The following AGO1 variants were observed in gnomAD, a reference collection of about 807,000 sequenced individuals.
AGO1 encodes the protein protein argonaute-1.
AGO1 carries 11 observed loss-of-function variants against 109.2 expected under a neutral mutation model. The ratio of observed to expected loss-of-function variants is 0.10; its 90% CI spans 0.06 to 0.17. AGO1 has a LOEUF of 0.17. AGO1 is among the 10% of genes least tolerant of loss of function. The probability of loss-of-function intolerance (pLI) is 1.00; values close to 1 mark genes in which losing one functional copy is unlikely to be tolerated. For missense variants in AGO1, 574 were observed against 1,140.3 expected, an observed-to-expected ratio of 0.50 and a Z score of 7.15; for synonymous variants, 422 against 418.6, an observed-to-expected ratio of 1.01 and a Z score of -0.10.
At chr1:35,914,527 T>A (rs1645699978) in intron 14 of AGO1, among the ~76,000 whole-genome samples, 2 of 152,232 alleles carry the variant, frequency 1.3e-5, no homozygotes, top group Non-Finnish European at 2.9e-5. Context: ...TGCATTTGAA[T>A]GTCTTTCTTT....
Position 35,913,987 on chromosome 1 carries a change from A to C in AGO1, c.1728A>C (p.Leu576=). 1 of 1,614,080 alleles carries C rather than the reference A, an allele frequency of 6.2e-7. No homozygotes were observed. Among genetic ancestry groups the C allele is most frequent in the South Asian group, 1.1e-5 (1 of 91,080 alleles). ...NVKLGGINNI[L]VPHQRSAVFQ... is the part of the protein sequence containing the mutation. The stretch of plus-strand genomic sequence containing the variant: ...AACTTGGTGGCATTAACAACATCCT[A>C]GTCCCACACCAGCGGTATGAACTCT... Residue 576 remains leucine, a synonymous_variant, in exon 13 of 19, where the codon CTA becomes CTC. Transcript: ENST00000373204.
intron 8 of AGO1, among the ~76,000 whole-genome samples, chr1:35,895,711 T>C (rs189263304): frequency 2.3e-4 from 35 of 152,368 alleles, no homozygotes; most frequent in Non-Finnish European, 5.9e-5. Flanking sequence ...GAAAAAGTTT[T>C]AGCCCCAAGA....
intron 12 of AGO1, among the ~76,000 whole-genome samples, chr1:35,912,360 G>GAAAAAA (rs753525049): frequency 4.9e-5 from 2 of 40,614 alleles, no homozygotes; most frequent in Admixed American, 2.8e-4. Flanking sequence ...CTCTGTCTCA[G>GAAAAAA]AAAAAAAAAA....
intron 1 of AGO1, among the ~76,000 whole-genome samples, chr1:35,871,548 A>G (rs1644951403): frequency 6.7e-6 from 1 of 150,084 alleles, no homozygotes; most frequent in Admixed American, 6.7e-5. Context: ...TCTCAAAAAA[A>G]AAGAAAAAAA....
In AGO1 at chr1:35,925,164, TAAC is replaced by T. The variant is rs1456950828; in HGVS notation, c.*5562_*5564del. ...GAAGAAGGTTCATGAAGGGAGTGAT[TAAC>T]AACATGAACTGCTGCAGAGAGGGAG... On this transcript the variant is annotated 3_prime_UTR_variant, in exon 19 of 19. Coordinates refer to ENST00000373204, the MANE Select transcript of AGO1 (RefSeq NM_012199.5). The T allele has an allele frequency of 1.3e-5, 2 of 151,814 alleles. No individual in the cohort carries two copies. Among genetic ancestry groups the T allele is most frequent in the African/African-American group, 4.8e-5 (2 of 41,302 alleles). 9.4% of individuals were successfully genotyped at this position (151,814 alleles called of 1,614,324 possible). A position where few individuals can be genotyped will look rare whatever the true frequency, so the allele number is the denominator to read the frequency against.
At chr1:35,907,955 T>C (rs937404118) in intron 12 of AGO1, among the ~76,000 whole-genome samples, 1 of 152,074 alleles carries the variant, frequency 6.6e-6, no homozygotes, top group Non-Finnish European at 1.5e-5. Flanking sequence ...CAAGACCTCA[T>C]CTCTACAAAA....
At chr1:35,879,416 C>G (rs978912588), upstream of AGO1, among the ~76,000 whole-genome samples, 7 of 151,236 alleles carry the variant, frequency 4.6e-5, no homozygotes, top group African/African-American at 1.5e-4. Flanking sequence ...CCATTGCACT[C>G]CAGCCTGGGC....
At chr1:35,871,690 T>C (rs1644952412) in intron 1 of AGO1, among the ~76,000 whole-genome samples, 1 of 150,732 alleles carries the variant, frequency 6.6e-6, no homozygotes, top group Admixed American at 6.6e-5. Flanking sequence ...CTGGGCAACA[T>C]AGTAAGACTC....
At position 35,894,050 on chromosome 1, in the gene AGO1, C is replaced by G; in HGVS notation, c.663C>G (p.Ala221=). ...CTGTCCCCACAGTCTCAGCCACTGC[C>G]TTTTATAAGGCACAGCCAGTGATTG... ...MMLNIDVSAT[A]FYKAQPVIEF... The change falls in exon 6 of 19, where the codon GCC becomes GCG. Residue 221 remains alanine, a synonymous_variant. Transcript: ENST00000373204. 1.9e-6 allele frequency: 3 copies of G among 1,555,132 alleles called. No individual in the cohort carries two copies. The highest frequency in any genetic ancestry group is 1.2e-5 in the South Asian group (1 of 80,392).
chr1:35,884,330 A>C (rs191578252), intron 1 of AGO1, among the ~76,000 whole-genome samples: 2 of 151,414 alleles, frequency 1.3e-5, no homozygotes. Context: ...GGTCCTCCTG[A>C]AGATAGGCCT....
At chr1:35,907,268 T>C (rs1359789235) in intron 12 of AGO1, 149 bp downstream of exon 12, 5 of 682,696 alleles carry the variant, frequency 7.3e-6, no homozygotes, top group Non-Finnish European at 1.1e-5. Flanking sequence ...AGAAATAGCA[T>C]GCCTGAGCCA....
chr1:35,897,323 A>G (rs759449099), intron 8 of AGO1, among the ~76,000 whole-genome samples: 8 of 152,212 alleles, frequency 5.3e-5, no homozygotes, highest in Non-Finnish European at 1.0e-4. Context: ...CAACCTTGTA[A>G]CAACCTGAGA....
At chr1:35,898,546 C>T (rs1456470805) in intron 8 of AGO1, among the ~76,000 whole-genome samples, 4 of 152,216 alleles carry the variant, frequency 2.6e-5, no homozygotes, top group African/African-American at 9.6e-5. Flanking sequence ...TGAGCCATTG[C>T]ACCTGGCCAA....
chr1:35,883,078 G>A (rs1042916748), upstream of AGO1: 61 of 1,041,598 alleles, frequency 5.9e-5, no homozygotes, highest in Non-Finnish European at 6.6e-5. This position sits in a 1 kb window ranked among gnomAD's most constrained non-coding sequence, Gnocchi z 5.4. Flanking sequence ...GCATGGCGAC[G>A]GGTGACCGCC....
Position 35,883,401 on chromosome 1 carries a change from A to ACCT in AGO1, c.-18_-16dup. ...GACTTCACAGTCTCCGGGCCGCCTGACCTCCGCACGGGTATATGGGATGGA... is the reference window on the plus strand; with the variant it reads ...GACTTCACAGTCTCCGGGCCGCCTGACCTCCTCCGCACGGGTATATGGGATGGA... On this transcript the variant is annotated 5_prime_UTR_variant, in exon 1 of 19. Coordinates refer to ENST00000373204, the MANE Select transcript of AGO1 (RefSeq NM_012199.5). This position sits in a 1 kb window ranked among gnomAD's most constrained non-coding sequence, Gnocchi z 5.4. The ACCT allele has an allele frequency of 6.3e-7, 1 of 1,580,318 alleles. No individual in the cohort carries two copies. The highest frequency in any genetic ancestry group is 8.6e-7 in the Non-Finnish European group (1 of 1,165,098).
At position 35,929,848 on chromosome 1, in the gene AGO1, T is replaced by G. The variant is rs1427799237; in HGVS notation, c.*10241T>G. On this transcript the variant is annotated 3_prime_UTR_variant, in exon 19 of 19. Transcript: ENST00000373204. ...TTCTCTGTGCTTTATGTATATTACC[T>G]AACCTTACAAACTGTGTAAGGTACA... 2.0e-4 allele frequency: 31 copies of G among 152,224 alleles called. No individual in the cohort carries two copies. The highest frequency in any genetic ancestry group is 2.0e-3 in the Admixed American group (31 of 15,280). The allele number at this position is 152,224 out of a possible 1,614,324, so 9.4% of individuals were successfully genotyped here. A position where few individuals can be genotyped will look rare whatever the true frequency, so the allele number is the denominator to read the frequency against.
intron 11 of AGO1, 77 bp downstream of exon 11, chr1:35,902,414 C>CTGAT: frequency 6.5e-7 from 1 of 1,548,100 alleles, no homozygotes; most frequent in East Asian, 2.3e-5. Flanking sequence ...TCCACAGGGG[C>CTGAT]TGATATTGAT....
chr1:35,916,568 A>G (rs991879833), intron 15 of AGO1, among the ~76,000 whole-genome samples: 4 of 152,116 alleles, frequency 2.6e-5, no homozygotes, highest in East Asian at 1.9e-4. Flanking sequence ...GGGTTTCACT[A>G]TGTCGGCCAG....
At chr1:35,903,348 A>G (rs1645455954) in intron 11 of AGO1, among the ~76,000 whole-genome samples, 1 of 150,722 alleles carries the variant, frequency 6.6e-6, no homozygotes, top group Non-Finnish European at 1.5e-5. Flanking sequence ...TTAAAATGCC[A>G]CAAAACTCAG....
Sources: gnomAD v4.1 joint callset for allele counts (sites outside exome capture counted in the v4.1 genomes callset) on GRCh38, gnomAD v4.1.1 for gene constraint, Gnocchi (gnomAD v3.1) non-coding constraint, MANE v1.5 for transcripts, NCBI Gene and HGNC (gene_info 2026-07-23, HGNC 2026-07-21) for gene names.